DCLK1: variants seen among roughly 807,000 people sequenced by gnomAD.
DCLK1 encodes the protein doublecortin like kinase 1.
A neutral mutation model predicts 86.2 loss-of-function variants in DCLK1; 16 were observed. That is an observed-to-expected ratio of 0.19 (90% confidence interval 0.13 to 0.28). The LOEUF (loss-of-function observed/expected upper bound fraction) is 0.28. DCLK1 is among the 10% of genes least tolerant of loss of function. DCLK1 has a pLI of 1.00. For synonymous variants in DCLK1, 369 were observed against 370.5 expected (o/e 1.00, Z 0.05); for missense variants, 590 against 940.2 (o/e 0.63, Z 4.87).
chr13:35,850,393 T>C (rs771501561), intron 6 of DCLK1: 30 of 1,026,208 alleles, frequency 2.9e-5, no homozygotes, highest in Admixed American at 5.7e-5. Context: ...TGGCTCTATA[T>C]TGCCACATGG....
rs1338817752 is a variant in DCLK1 at position 35,776,082 on chromosome 13, T to C, written c.2059-1383A>G. On this transcript the variant is annotated intron_variant, in intron 16 of 16. Coordinates refer to ENST00000360631, the MANE Select transcript of DCLK1 (RefSeq NM_001330071.2). ...ACTTCTTGTCTCACTAGATTGTTAA[T>C]ACAATGATTCAGTAACTGGTCTGTT... Among the ~76,000 whole-genome samples the C allele has an allele frequency of 2.6e-5, 4 of 152,356 alleles. No individual in the cohort carries two copies. In the East Asian group the frequency reaches 7.7e-4, roughly 29 times the overall value.
At chr13:36,092,296 C>T (rs1477633181) in intron 3 of DCLK1, among the ~76,000 whole-genome samples, 5 of 151,970 alleles carry the variant, frequency 3.3e-5, no homozygotes, top group Non-Finnish European at 7.4e-5. Context: ...AAAAATAGTA[C>T]TTACCTTCTA....
intron 16 of DCLK1, among the ~76,000 whole-genome samples, chr13:35,776,834 A>C (rs1285270324): frequency 6.6e-6 from 1 of 152,076 alleles, no homozygotes; most frequent in Admixed American, 6.6e-5. Context: ...TCATTTCCCC[A>C]TTATCCACTC....
chr13:35,805,523 T>C, intron 15 of DCLK1, 176 bp downstream of exon 15: 1 of 561,508 alleles, frequency 1.8e-6, no homozygotes, highest in Non-Finnish European at 3.1e-6. Context: ...GTCCTCGAAC[T>C]CCTGAGCTCA....
chr13:35,950,159 CT>C (rs1276659222), intron 3 of DCLK1, among the ~76,000 whole-genome samples: 1 of 152,204 alleles, frequency 6.6e-6, no homozygotes, highest in Non-Finnish European at 1.5e-5. Flanking sequence ...TCACATTCAA[CT>C]TTATAAAACC....
chr13:36,058,303 T>A (rs1566663594), intron 3 of DCLK1, among the ~76,000 whole-genome samples: 1 of 152,308 alleles, frequency 6.6e-6, no homozygotes, highest in East Asian at 1.9e-4. Flanking sequence ...GAGAGCCTGA[T>A]GGACTGAGAA....
intron 3 of DCLK1, among the ~76,000 whole-genome samples, chr13:35,972,612 T>A (rs1015918457): frequency 2.0e-5 from 3 of 151,600 alleles, no homozygotes; most frequent in Admixed American, 2.0e-4. Flanking sequence ...AAGGAGCAAG[T>A]GGCATGTTAG....
chr13:36,113,382 T>G (rs764906551), intron 2 of DCLK1, among the ~76,000 whole-genome samples: 11 of 152,206 alleles, frequency 7.2e-5, no homozygotes, highest in Admixed American at 2.0e-4. Context: ...ACATTATGCC[T>G]CACTAGAAGT....
At chr13:35,813,360 G>C (rs908738104) in intron 11 of DCLK1, among the ~76,000 whole-genome samples, 1 of 152,148 alleles carries the variant, frequency 6.6e-6, no homozygotes, top group Non-Finnish European at 1.5e-5. Context: ...TTTGACAAAA[G>C]CAGATGTTGG....
chr13:36,038,389 A>G (rs1462373661), intron 3 of DCLK1, among the ~76,000 whole-genome samples: 4 of 152,216 alleles, frequency 2.6e-5, no homozygotes, highest in African/African-American at 9.6e-5. Flanking sequence ...ATCCTGGAGA[A>G]CCAAATACAG....
intron 3 of DCLK1, among the ~76,000 whole-genome samples, chr13:36,095,187 T>TTTTTTTTTTTTTTTTTTG (rs1884966729): frequency 8.6e-6 from 1 of 115,846 alleles, no homozygotes. Context: ...TTTTTTTTTG[T>TTTTTTTTTTTTTTTTTTG]TTTTTTTGTT....
intron 3 of DCLK1, among the ~76,000 whole-genome samples, chr13:36,058,446 GA>G (rs1219628420): frequency 1.3e-5 from 2 of 152,294 alleles, no homozygotes; most frequent in East Asian, 3.9e-4. Context: ...GATCTAATTA[GA>G]AGGCAAATTA....
At chr13:36,079,932 G>C (rs1029434141) in intron 3 of DCLK1, among the ~76,000 whole-genome samples, 7 of 152,134 alleles carry the variant, frequency 4.6e-5, no homozygotes, top group African/African-American at 1.7e-4. Flanking sequence ...TAGAAAAATG[G>C]TGCAGCACAT....
At chr13:35,847,564 A>G (rs2153109275) in intron 6 of DCLK1, 1 of 973,190 alleles carries the variant, frequency 1.0e-6, no homozygotes, top group Non-Finnish European at 1.2e-6. Flanking sequence ...ATTATTCTAT[A>G]TATTCATTCA....
chr13:36,009,775 G>A (rs1297327903), intron 3 of DCLK1, among the ~76,000 whole-genome samples: 26 of 120,666 alleles, frequency 2.2e-4, no homozygotes, highest in African/African-American at 8.5e-4. Context: ...GTCATTGGTA[G>A]CTTGATGGGG....
At chr13:36,073,158 T>C (rs955573104) in intron 3 of DCLK1, among the ~76,000 whole-genome samples, 2 of 152,198 alleles carry the variant, frequency 1.3e-5, no homozygotes, top group African/African-American at 4.8e-5. Flanking sequence ...AGTAAATACA[T>C]ACAATTGGCA....
chr13:36,042,733 C>T (rs1229036897), intron 3 of DCLK1, among the ~76,000 whole-genome samples: 1 of 152,176 alleles, frequency 6.6e-6, no homozygotes. Context: ...ATGGTTCTGA[C>T]TCACACACTC....
chr13:35,779,579 A>T (rs2086486761), intron 16 of DCLK1, among the ~76,000 whole-genome samples: 1 of 152,196 alleles, frequency 6.6e-6, no homozygotes, highest in South Asian at 2.1e-4. Context: ...AATAATAACA[A>T]TAGCAAAAAA....
chr13:35,942,311 T>C (rs963117481), intron 4 of DCLK1, among the ~76,000 whole-genome samples: 2 of 151,916 alleles, frequency 1.3e-5, no homozygotes, highest in Non-Finnish European at 2.9e-5. Context: ...GGACTACAGG[T>C]GCATGCCACC....
Sources: gnomAD v4.1 joint callset for allele counts (sites outside exome capture counted in the v4.1 genomes callset) on GRCh38, gnomAD v4.1.1 for gene constraint, MANE v1.5 for transcripts, NCBI Gene and HGNC (gene_info 2026-07-23, HGNC 2026-07-21) for gene names.